MYO5B: variants seen among roughly 807,000 people sequenced by gnomAD.
MYO5B encodes the protein unconventional myosin-Vb.
In MYO5B, 143 loss-of-function variants were observed where a neutral mutation model predicts 229.3. That is an observed-to-expected ratio of 0.62 (90% confidence interval 0.54 to 0.72). MYO5B has a LOEUF of 0.72. MYO5B is among the 30% of genes least tolerant of loss of function. MYO5B has a pLI of 0.00. For missense variants in MYO5B, 2,321 were observed against 2,331.0 expected (o/e 1.00, Z 0.09); for synonymous variants, 918 against 885.2 (o/e 1.04, Z -0.66).
intron 27 of MYO5B, among the ~76,000 whole-genome samples, chr18:49,868,656 C>G (rs2024424183): frequency 6.6e-6 from 1 of 152,176 alleles, no homozygotes; most frequent in Non-Finnish European, 1.5e-5. Flanking sequence ...GGTGAGCTTC[C>G]CCTAGAGCCA....
At chr18:49,924,954 G>A (rs1486085378) in intron 17 of MYO5B, among the ~76,000 whole-genome samples, 7 of 152,004 alleles carry the variant, frequency 4.6e-5, no homozygotes, top group Admixed American at 3.9e-4. Flanking sequence ...ACAGTATATT[G>A]GTCACAACCG....
At chr18:49,896,619 C>T (rs2024781879) in intron 21 of MYO5B, among the ~76,000 whole-genome samples, 1 of 152,114 alleles carries the variant, frequency 6.6e-6, no homozygotes, top group South Asian at 2.1e-4. Context: ...GATAACTAGG[C>T]AGGAGGTCTC....
intron 5 of MYO5B, among the ~76,000 whole-genome samples, chr18:49,996,577 G>A (rs913249326): frequency 2.6e-5 from 4 of 152,068 alleles, no homozygotes; most frequent in Non-Finnish European, 4.4e-5. Context: ...AACTACTTAT[G>A]GTATAACAAT....
intron 1 of MYO5B, among the ~76,000 whole-genome samples, chr18:50,150,581 G>A (rs1349254281): frequency 3.3e-5 from 5 of 151,688 alleles, no homozygotes; most frequent in Non-Finnish European, 7.4e-5. Context: ...ACTATCGCAA[G>A]AACAAAAAAC....
chr18:49,959,963 C>T (rs1598913147), intron 12 of MYO5B, among the ~76,000 whole-genome samples: 1 of 152,036 alleles, frequency 6.6e-6, no homozygotes, highest in Admixed American at 6.6e-5. Context: ...TTGTTTGGGG[C>T]CTGTCTGCAA....
chr18:49,869,402 G>A (rs2024433347), intron 27 of MYO5B, among the ~76,000 whole-genome samples: 1 of 152,146 alleles, frequency 6.6e-6, no homozygotes, highest in African/African-American at 2.4e-5. Flanking sequence ...GGGGTCCCCG[G>A]GACCAGCCTC....
chr18:49,877,697 T>C (rs1433865589), intron 25 of MYO5B, 66 bp downstream of exon 25: 1 of 1,607,978 alleles, frequency 6.2e-7, no homozygotes, highest in Non-Finnish European at 8.5e-7. Flanking sequence ...CTTGGACAGT[T>C]CCACACAGAA....
At position 49,837,739 on chromosome 18, in the gene MYO5B, C is replaced by T. The variant is rs546240591; in HGVS notation, c.4916G>A (p.Arg1639Gln). 2.7e-5 allele frequency: 43 copies of T among 1,614,170 alleles called. No individual in the cohort carries two copies. The highest frequency in any genetic ancestry group is 3.3e-5 in the Non-Finnish European group (39 of 1,180,028). Residue 1639 changes from arginine to glutamine, a missense_variant, in exon 37 of 40, where the codon CGG becomes CAG. Transcript: ENST00000285039. ...ATCTGCCATGCTGGAGGAGCGCTTCCGGTAGCCGGTGGGCTTCACACCAGA... is the reference window on the plus strand; with the variant it reads ...ATCTGCCATGCTGGAGGAGCGCTTCTGGTAGCCGGTGGGCTTCACACCAGA... ...GLSGVKPTGY[R>Q]KRSSSMADGD...
At chr18:50,077,188 A>C (rs1340343072) in intron 1 of MYO5B, among the ~76,000 whole-genome samples, 1 of 150,782 alleles carries the variant, frequency 6.6e-6, no homozygotes, top group African/African-American at 2.4e-5. Context: ...AAAAAAAAAA[A>C]AAAAAGACAA....
chr18:49,905,511 TA>T (rs1328432424), intron 19 of MYO5B, among the ~76,000 whole-genome samples: 1 of 152,112 alleles, frequency 6.6e-6, no homozygotes, highest in South Asian at 2.1e-4. Flanking sequence ...TGTGAAATGC[TA>T]AAAAAGACCT....
At chr18:49,929,311 G>T (rs2025163195) in intron 17 of MYO5B, among the ~76,000 whole-genome samples, 1 of 152,180 alleles carries the variant, frequency 6.6e-6, no homozygotes, top group African/African-American at 2.4e-5. Context: ...GCAGCCAAGA[G>T]GATGTGACTG....
intron 27 of MYO5B, 70 bp downstream of exon 27, chr18:49,872,097 G>C: frequency 6.9e-7 from 1 of 1,455,522 alleles, no homozygotes; most frequent in Non-Finnish European, 9.6e-7. Flanking sequence ...CTGATTTCCT[G>C]ATGCCCAGAT....
intron 1 of MYO5B, among the ~76,000 whole-genome samples, chr18:50,126,288 T>A (rs536568793): frequency 6.6e-6 from 1 of 152,200 alleles, no homozygotes; most frequent in Non-Finnish European, 1.5e-5. Context: ...ATTTTCCAGA[T>A]GTGGGCACCC....
At chr18:50,149,395 G>A (rs2032558200) in intron 1 of MYO5B, among the ~76,000 whole-genome samples, 1 of 151,850 alleles carries the variant, frequency 6.6e-6, no homozygotes. Context: ...TAAGCCAAAA[G>A]AACAAAGCTG....
chr18:50,074,810 GT>G (rs1041969780), intron 1 of MYO5B, among the ~76,000 whole-genome samples: 41 of 152,034 alleles, frequency 2.7e-4, no homozygotes, highest in African/African-American at 9.7e-4. Flanking sequence ...GAGACCCATG[GT>G]TTTTTTGGGG....
intron 2 of MYO5B, among the ~76,000 whole-genome samples, chr18:50,042,577 CA>C (rs981076544): frequency 2.0e-4 from 31 of 152,246 alleles, no homozygotes; most frequent in African/African-American, 6.7e-4. Context: ...AAGGTGGGAA[CA>C]GGGGGAAATG....
chr18:50,006,557 C>T (rs994095036), intron 4 of MYO5B, among the ~76,000 whole-genome samples: 1 of 152,194 alleles, frequency 6.6e-6, no homozygotes, highest in African/African-American at 2.4e-5. Flanking sequence ...ACAACCAACA[C>T]ATCCACACAC....
At position 50,127,968 on chromosome 18, in the gene MYO5B, C is replaced by T. The variant is rs2032192828; in HGVS notation, c.27+66799G>A. Among the ~76,000 whole-genome samples the T allele has an allele frequency of 3.3e-5, 5 of 152,278 alleles. No homozygotes were observed. The South Asian group carries it at 1.0e-3, about 32-fold the overall frequency. On this transcript the variant is annotated intron_variant, in intron 1 of 39. Transcript: ENST00000285039. ...CTCAAACTGAGACATGAGCTCTTTC[C>T]AGGTCTCAAGCCTGCTGGCTTTTGG...
chr18:49,848,812 G>A (rs745530660), intron 32 of MYO5B, among the ~76,000 whole-genome samples: 1 of 152,048 alleles, frequency 6.6e-6, no homozygotes, highest in East Asian at 1.9e-4. Context: ...GAAGAGAAGT[G>A]TCCCCCTGGA....
Sources: allele counts gnomAD v4.1 joint callset (sites outside exome capture counted in the v4.1 genomes callset), GRCh38; gene constraint gnomAD v4.1.1; transcripts MANE v1.5; gene names NCBI Gene and HGNC (gene_info 2026-07-23, HGNC 2026-07-21).